The following TUBGCP3 variants were observed in gnomAD, a reference collection of about 807,000 sequenced individuals.
TUBGCP3 encodes tubulin gamma complex component 3, also known as gamma-tubulin complex component 3.
Under a neutral mutation model 123.1 loss-of-function variants are expected in TUBGCP3, and 50 were observed. That is an observed-to-expected ratio of 0.41 (90% CI 0.32 to 0.51). The LOEUF is 0.51. Among genes scored for constraint, TUBGCP3 ranks in the 20% least tolerant of loss-of-function variants. TUBGCP3 has a pLI of 0.36. For synonymous variants in TUBGCP3, 405 were observed against 413.9 expected, an observed-to-expected ratio of 0.98 and a Z score of 0.26; for missense variants, 882 against 1,127.0, an observed-to-expected ratio of 0.78 and a Z score of 3.11.
At position 112,519,117 on chromosome 13, in the gene TUBGCP3, AG is replaced by A; in HGVS notation, c.1882-75del. 4 of 1,276,336 alleles carry A rather than the reference AG, an allele frequency of 3.1e-6. 1 individual carries two copies. Among genetic ancestry groups the A allele is most frequent in the Non-Finnish European group, 4.6e-6 (4 of 876,092 alleles). 79.1% of individuals were successfully genotyped at this position (1,276,336 alleles called of 1,614,324 possible). Reference sequence around the variant, plus strand: ...GAAGAACTTGTTAACGCAAAGAAAAAGCAGTAAAATAATGCCCAATTGTTAA... The same window carrying A: ...GAAGAACTTGTTAACGCAAAGAAAAACAGTAAAATAATGCCCAATTGTTAA... On this transcript the variant is annotated intron_variant, in intron 15 of 21. Transcript: ENST00000261965. The surrounding 1 kb of genome is among the most constrained non-coding windows in gnomAD (Gnocchi z 6.2).
chr13:112,592,324 G>A (rs1018483892), upstream of TUBGCP3, among the ~76,000 whole-genome samples: 6 of 152,176 alleles, frequency 3.9e-5, no homozygotes, highest in African/African-American at 7.2e-5. This position sits in a 1 kb window ranked among gnomAD's most constrained non-coding sequence, Gnocchi z 4.1. Context: ...GGTGCTGAGC[G>A]AGAGGGGCCG....
chr13:112,554,075 T>G lies in TUBGCP3; in HGVS notation c.948A>C (p.Ser316=). The G allele has an allele frequency of 1.2e-6, 2 of 1,613,012 alleles. No homozygotes were observed. The highest frequency in any genetic ancestry group is 1.7e-6 in the Non-Finnish European group (2 of 1,179,730). The change falls in exon 8 of 22, where the codon TCA becomes TCC. Residue 316 remains serine (S), a synonymous_variant. Coordinates refer to ENST00000261965, the MANE Select transcript of TUBGCP3 (RefSeq NM_006322.6). Reference sequence around the variant, plus strand: ...AACGCACCTGCCCGACGAGTCCGAATGAGCGGTCCAGGCTCCTCTGGTCCG... The same window carrying G: ...AACGCACCTGCCCGACGAGTCCGAAGGAGCGGTCCAGGCTCCTCTGGTCCG... ...RYTDQRSLDR[S]FGLVGQSFCA...
intron 11 of TUBGCP3, among the ~76,000 whole-genome samples, chr13:112,535,176 T>C (rs1243095570): frequency 6.6e-6 from 1 of 152,252 alleles, no homozygotes; most frequent in Non-Finnish European, 1.5e-5. Flanking sequence ...CGTCATTTTA[T>C]TTATCAGTTC....
At chr13:112,580,251 A>G (rs766853783) in intron 1 of TUBGCP3, among the ~76,000 whole-genome samples, 1 of 152,226 alleles carries the variant, frequency 6.6e-6, no homozygotes, top group Non-Finnish European at 1.5e-5. Flanking sequence ...TGGAGATACT[A>G]AAGGACAATT....
At position 112,511,728 on chromosome 13, in the gene TUBGCP3, T is replaced by C. The variant is rs1566542547; in HGVS notation, c.2086+4712A>G. On this transcript the variant is annotated intron_variant, in intron 17 of 21. Coordinates refer to ENST00000261965, the MANE Select transcript of TUBGCP3 (RefSeq NM_006322.6). This position sits in a 1 kb window ranked among gnomAD's most constrained non-coding sequence, Gnocchi z 4.1. Reference sequence around the variant, plus strand: ...TTCATTTACCTTATTATTCGATATATTGGGCCAAAACCAAATTTGGGCCAA... The same window carrying C: ...TTCATTTACCTTATTATTCGATATACTGGGCCAAAACCAAATTTGGGCCAA... Among the ~76,000 whole-genome samples the C allele has an allele frequency of 6.6e-6, 1 of 152,218 alleles. No homozygotes were observed. The highest frequency in any genetic ancestry group is 1.5e-5 in the Non-Finnish European group (1 of 68,048).
At position 112,558,211 on chromosome 13, in the gene TUBGCP3, T is replaced by C. The variant is rs779170471; in HGVS notation, c.533A>G (p.Gln178Arg). ...GTGGCCTTACCCTGGGAGGAGAGAT[T>C]GTGGCGCAGGCGCGGGGCCACTGAG... is the stretch of plus-strand genomic sequence containing the variant. ...CALSGPAPAP[Q>R]SLLPGQSNQA... is the part of the protein sequence containing the mutation. Residue 178 changes from glutamine (Q) to arginine (R), a missense_variant, in exon 5 of 22, where the codon CAA (glutamine) becomes CGA (arginine). Transcript: ENST00000261965. 2.5e-6 allele frequency: 4 copies of C among 1,610,696 alleles called. No individual in the cohort carries two copies. The African/African-American group carries it at 4.0e-5, about 16-fold the overall frequency.
chr13:112,526,938 A>C lies in TUBGCP3; in HGVS notation c.1555+4T>G. On this transcript the variant is annotated splice_donor_region_variant and intron_variant, in intron 13 of 21. Transcript: ENST00000261965. ...TCATCACCACCCCACCAGCATCATC[A>C]TACCGTCCTGGGGTGACTCTGCAGA... 1 of 1,607,270 alleles carries C rather than the reference A, an allele frequency of 6.2e-7. No homozygotes were observed. Among genetic ancestry groups the C allele is most frequent in the African/African-American group, 1.3e-5 (1 of 74,916 alleles).
Position 112,485,849 on chromosome 13 carries a change from A to G in TUBGCP3, c.*144T>C. 2.4e-6 allele frequency: 2 copies of G among 822,692 alleles called. No individual in the cohort carries two copies. The highest frequency in any genetic ancestry group is 3.8e-6 in the Non-Finnish European group (2 of 530,558). The allele number at this position is 822,692 out of a possible 1,614,324, so 51.0% of individuals were successfully genotyped here. A position where few individuals can be genotyped will look rare whatever the true frequency, so the allele number is the denominator to read the frequency against. On this transcript the variant is annotated 3_prime_UTR_variant, in exon 22 of 22. Transcript: ENST00000261965. Reference sequence around the variant, plus strand: ...TGAAACACGACGTGGCTTCTCCCACACGCCGCTCCGCTGAAACATGGCGCA... The same window carrying G: ...TGAAACACGACGTGGCTTCTCCCACGCGCCGCTCCGCTGAAACATGGCGCA...
At chr13:112,521,300 T>C (rs1217365298) in intron 14 of TUBGCP3, among the ~76,000 whole-genome samples, 1 of 152,264 alleles carries the variant, frequency 6.6e-6, no homozygotes, top group Admixed American at 6.5e-5. Flanking sequence ...GGCATGAGCA[T>C]GTCACAAGCC....
chr13:112,506,949 G>C (rs997337391), intron 17 of TUBGCP3, among the ~76,000 whole-genome samples: 1 of 152,168 alleles, frequency 6.6e-6, no homozygotes, highest in Non-Finnish European at 1.5e-5. Context: ...TGAAGTCACT[G>C]GACTGTAATG....
chr13:112,560,687 T>G (rs938415443), intron 3 of TUBGCP3, among the ~76,000 whole-genome samples: 2 of 152,222 alleles, frequency 1.3e-5, no homozygotes, highest in African/African-American at 4.8e-5. Context: ...CTCCATTATA[T>G]AAAACATTCT....
rs369487363 is a variant in TUBGCP3 at position 112,568,718 on chromosome 13, C to T, written c.184+434G>A. 6.0e-4 allele frequency among the ~76,000 whole-genome samples: 92 copies of T among 152,344 alleles called. No individual in the cohort carries two copies. The South Asian group carries it at 0.018, about 30-fold the overall frequency. On this transcript the variant is annotated intron_variant, in intron 2 of 21. Coordinates refer to ENST00000261965, the MANE Select transcript of TUBGCP3 (RefSeq NM_006322.6). ...GCACCACTGCGTTTGGCTTATACAG[C>T]CCAGAGAACTATAAGGATGAAGAGC... is the stretch of plus-strand genomic sequence containing the variant.
intron 19 of TUBGCP3, among the ~76,000 whole-genome samples, chr13:112,502,836 C>A (rs536322247): frequency 6.6e-6 from 1 of 152,036 alleles, no homozygotes; most frequent in Non-Finnish European, 1.5e-5. Flanking sequence ...TGAGCCACTG[C>A]CCCCGGCCTG....
At position 112,565,760 on chromosome 13, in the gene TUBGCP3, G is replaced by A. The variant is rs147114657; in HGVS notation, c.185-582C>T. On this transcript the variant is annotated intron_variant, in intron 2 of 21. Transcript: ENST00000261965. ...CCATCCTGGCTAACACGGTGAAACC[G>A]AGTCTCTACTAAAAAATACAAAAAA... 2.4e-3 allele frequency among the ~76,000 whole-genome samples: 370 copies of A among 152,114 alleles called. 4 individuals carry two copies. Among genetic ancestry groups the A allele is most frequent in the African/African-American group, 8.6e-3 (357 of 41,514 alleles).
chr13:112,569,714 G>A (rs1026540136), intron 1 of TUBGCP3, among the ~76,000 whole-genome samples: 2 of 152,178 alleles, frequency 1.3e-5, no homozygotes, highest in African/African-American at 2.4e-5. Context: ...TTAAACGCAT[G>A]TGCCTCTACT....
rs182891438 is a variant in TUBGCP3 at position 112,518,111 on chromosome 13, C to T, written c.1950+864G>A. On this transcript the variant is annotated intron_variant, in intron 16 of 21. Coordinates refer to ENST00000261965, the MANE Select transcript of TUBGCP3 (RefSeq NM_006322.6). ...ATGTGTAAAAAGGAAATTGCACCAG[C>T]AGTTCCCATCTCACTGTAGACAGGA... 2.2e-4 allele frequency among the ~76,000 whole-genome samples: 33 copies of T among 152,232 alleles called. No homozygotes were observed. The East Asian group carries it at 6.4e-3, about 29-fold the overall frequency.
At chr13:112,586,961 A>G (rs1188861745) in intron 1 of TUBGCP3, among the ~76,000 whole-genome samples, 2 of 152,208 alleles carry the variant, frequency 1.3e-5, no homozygotes, top group African/African-American at 4.8e-5. Flanking sequence ...CCAATGAATT[A>G]TGTACAGTAA....
chr13:112,499,810 C>A (rs1880782968), intron 19 of TUBGCP3, among the ~76,000 whole-genome samples: 2 of 152,136 alleles, frequency 1.3e-5, no homozygotes, highest in Admixed American at 6.5e-5. Context: ...AACTACTGCC[C>A]AGTAATCTTC....
intron 14 of TUBGCP3, chr13:112,521,631 A>G (rs754820876): frequency 3.1e-6 from 3 of 980,918 alleles, no homozygotes; most frequent in Non-Finnish European, 3.6e-6. Context: ...GTAAGTTACT[A>G]TTTTGTGTCT....
Sources: allele counts gnomAD v4.1 joint callset (sites outside exome capture counted in the v4.1 genomes callset), GRCh38; gene constraint gnomAD v4.1.1; non-coding constraint Gnocchi (gnomAD v3.1); transcripts MANE v1.5; gene names NCBI Gene and HGNC (gene_info 2026-07-23, HGNC 2026-07-21).